Variants in LRRC4C observed in about 807,000 individuals in gnomAD.
LRRC4C encodes leucine rich repeat containing 4C.
A neutral mutation model predicts 33.6 loss-of-function variants in LRRC4C; 5 were observed. The observed-to-expected ratio is 0.15, with a 90% CI of 0.08 to 0.31. LRRC4C has a LOEUF of 0.31. Ranked by LOEUF, LRRC4C falls within the 10% of genes least tolerant of loss-of-function variation. The pLI is 1.00. For synonymous variants in LRRC4C, 329 were observed against 302.0 expected (o/e 1.09, Z -0.93); for missense variants, 560 against 796.7 (o/e 0.70, Z 3.58).
At chr11:40,811,070 T>G (rs1367752164) in intron 2 of LRRC4C, among the ~76,000 whole-genome samples, 3 of 152,172 alleles carry the variant, frequency 2.0e-5, no homozygotes, top group Non-Finnish European at 4.4e-5. Flanking sequence ...TTTAATTCCT[T>G]GAGCATGGCA....
In LRRC4C at chr11:41,272,686, G is replaced by A. The variant is rs543018825; in HGVS notation, c.-496+186745C>T. On this transcript the variant is annotated intron_variant, in intron 1 of 6. Coordinates refer to ENST00000528697, the MANE Select transcript of LRRC4C (RefSeq NM_001258419.2). ...TAAAAGAATTAAAATGAAGCTTGTC[G>A]CTTGAGAAAATAAATGCTTTCTCCA... Among the ~76,000 whole-genome samples the A allele has an allele frequency of 5.3e-5, 8 of 152,218 alleles. No individual in the cohort carries two copies. In the East Asian group the frequency reaches 1.4e-3, roughly 26 times the overall value.
In LRRC4C at chr11:41,448,122, G is replaced by GTTTTTTTTTTTTGTTTTTTT. The variant is rs1955888543; in HGVS notation, c.-496+11308_-496+11309insAAAAAAACAAAAAAAAAAAA. Among the ~76,000 whole-genome samples, 2 of 46,948 alleles carry GTTTTTTTTTTTTGTTTTTTT rather than the reference G, an allele frequency of 4.3e-5. 1 individual carries two copies. Among genetic ancestry groups the GTTTTTTTTTTTTGTTTTTTT allele is most frequent in the Non-Finnish European group, 8.7e-5 (2 of 22,918 alleles). The allele number at this position is 46,948 out of a possible 152,430, so 30.8% of individuals were successfully genotyped here. ...ACAAACGAGGCTGCTGCACACGTCT[G>GTTTTTTTTTTTTGTTTTTTT]TTTTTTTTTTTTTTTTTTTTGGAGC... On this transcript the variant is annotated intron_variant, in intron 1 of 6. Transcript: ENST00000528697.
chr11:41,030,425 T>C (rs1044696774), intron 1 of LRRC4C, among the ~76,000 whole-genome samples: 4 of 151,794 alleles, frequency 2.6e-5, no homozygotes. Context: ...TAACCCTCAA[T>C]GACACCCTTA....
rs895892550 is a variant in LRRC4C at position 41,061,162 on chromosome 11, T to G, written c.-495-127439A>C. Reference sequence around the variant, plus strand: ...CATACTATATTGAATAATTCAGCATTTTATTTCAATGGTCTATTCTCATGT... The same window carrying G: ...CATACTATATTGAATAATTCAGCATGTTATTTCAATGGTCTATTCTCATGT... On this transcript the variant is annotated intron_variant, in intron 1 of 6. Coordinates refer to ENST00000528697, the MANE Select transcript of LRRC4C (RefSeq NM_001258419.2). Among the ~76,000 whole-genome samples the G allele has an allele frequency of 2.0e-5, 3 of 152,180 alleles. No individual in the cohort carries two copies. In the East Asian group the frequency reaches 5.8e-4, roughly 29 times the overall value.
intron 1 of LRRC4C, among the ~76,000 whole-genome samples, chr11:41,139,421 A>T (rs1276433935): frequency 6.6e-6 from 1 of 152,236 alleles, no homozygotes; most frequent in Non-Finnish European, 1.5e-5. Flanking sequence ...GGTCTATACC[A>T]TAATTGGCTA....
intron 1 of LRRC4C, among the ~76,000 whole-genome samples, chr11:41,169,183 A>G (rs1358614157): frequency 6.6e-6 from 1 of 152,228 alleles, no homozygotes; most frequent in Non-Finnish European, 1.5e-5. Flanking sequence ...AAGAGAATAA[A>G]ACATTTTTCA....
intron 5 of LRRC4C, among the ~76,000 whole-genome samples, chr11:40,217,720 A>G (rs1343604106): frequency 6.6e-6 from 1 of 152,162 alleles, no homozygotes; most frequent in Non-Finnish European, 1.5e-5. Flanking sequence ...GACTGTTTTT[A>G]AGCCTCAGCA....
At chr11:40,515,320 C>T (rs958724246) in intron 3 of LRRC4C, among the ~76,000 whole-genome samples, 3 of 151,928 alleles carry the variant, frequency 2.0e-5, no homozygotes, top group Admixed American at 6.6e-5. Flanking sequence ...CGAAAGGAAA[C>T]CCTCAGAATT....
At chr11:41,438,082 AT>A (rs1212176313) in intron 1 of LRRC4C, among the ~76,000 whole-genome samples, 2 of 104,380 alleles carry the variant, frequency 1.9e-5, no homozygotes, top group African/African-American at 3.0e-5. Flanking sequence ...ATAAAAAAAA[AT>A]AATTACAATA....
chr11:41,062,649 T>C (rs768498564), intron 1 of LRRC4C, among the ~76,000 whole-genome samples: 3 of 152,198 alleles, frequency 2.0e-5, no homozygotes, highest in African/African-American at 7.2e-5. Context: ...TAATCTTTAC[T>C]GGGTAGCATA....
chr11:40,542,052 C>CTCTTTCTTTCTTTCTT lies in LRRC4C; in HGVS notation c.-270+106089_-270+106090insAAGAAAGAAAGAAAGA, dbSNP rs77820700. Reference sequence around the variant, plus strand: ...TCTCTTTCTCTTTCTTTCTCTTTCTCTCTTTCTTTCTTTCTCTCTCTCTTT... The same window carrying CTCTTTCTTTCTTTCTT: ...TCTCTTTCTCTTTCTTTCTCTTTCTCTCTTTCTTTCTTTCTTTCTTTCTTTCTTTCTCTCTCTCTTT... On this transcript the variant is annotated intron_variant, in intron 3 of 6. Coordinates refer to ENST00000528697, the MANE Select transcript of LRRC4C (RefSeq NM_001258419.2). Among the ~76,000 whole-genome samples the CTCTTTCTTTCTTTCTT allele has an allele frequency of 3.3e-3, 495 of 149,366 alleles. 3 individuals carry two copies. Among genetic ancestry groups the CTCTTTCTTTCTTTCTT allele is most frequent in the South Asian group, 8.9e-3 (42 of 4,720 alleles).
At chr11:40,972,472 T>C (rs1404518188) in intron 1 of LRRC4C, among the ~76,000 whole-genome samples, 3 of 152,080 alleles carry the variant, frequency 2.0e-5, no homozygotes, top group Non-Finnish European at 2.9e-5. Flanking sequence ...TGAGATTTGG[T>C]AGGGGCCAGG....
At chr11:40,355,193 T>G (rs1209151675) in intron 3 of LRRC4C, among the ~76,000 whole-genome samples, 3 of 152,224 alleles carry the variant, frequency 2.0e-5, no homozygotes, top group African/African-American at 7.2e-5. Flanking sequence ...GTATCCAAGT[T>G]GCAAGACAAA....
intron 1 of LRRC4C, among the ~76,000 whole-genome samples, chr11:41,086,699 C>T (rs1390524555): frequency 6.6e-6 from 1 of 152,030 alleles, no homozygotes; most frequent in African/African-American, 2.4e-5. Context: ...TTAAGATGAG[C>T]AAAATGCAGT....
chr11:40,784,079 T>TA (rs1950318592), intron 2 of LRRC4C, among the ~76,000 whole-genome samples: 1 of 116,668 alleles, frequency 8.6e-6, no homozygotes, highest in African/African-American at 6.9e-5. Flanking sequence ...AAGATGTTTA[T>TA]TTATATATAT....
At chr11:40,295,788 G>T (rs974270648) in intron 4 of LRRC4C, among the ~76,000 whole-genome samples, 2 of 152,158 alleles carry the variant, frequency 1.3e-5, no homozygotes, top group African/African-American at 4.8e-5. Flanking sequence ...TTTCTCGAGG[G>T]TTAATGGCAT....
chr11:40,229,533 A>G (rs1279416297), intron 5 of LRRC4C, among the ~76,000 whole-genome samples: 1 of 152,098 alleles, frequency 6.6e-6, no homozygotes, highest in Non-Finnish European at 1.5e-5. Context: ...TCAGCCTCCC[A>G]AAGGGCTGGG....
chr11:40,300,273 T>C (rs1259146402), intron 4 of LRRC4C, among the ~76,000 whole-genome samples: 1 of 152,156 alleles, frequency 6.6e-6, no homozygotes, highest in African/African-American at 2.4e-5. Context: ...GGGATTACAA[T>C]TTGACATGAG....
chr11:41,268,594 T>A (rs1949225633), intron 1 of LRRC4C, among the ~76,000 whole-genome samples: 1 of 152,144 alleles, frequency 6.6e-6, no homozygotes, highest in East Asian at 1.9e-4. Flanking sequence ...CAGCACTTTT[T>A]TTGGATTAAA....
Sources: allele counts gnomAD v4.1 joint callset (sites outside exome capture counted in the v4.1 genomes callset), GRCh38; gene constraint gnomAD v4.1.1; transcripts MANE v1.5; gene names NCBI Gene and HGNC (gene_info 2026-07-23, HGNC 2026-07-21).